The following CLDN14 variants were observed in gnomAD, a reference collection of about 807,000 sequenced individuals.
CLDN14 encodes the protein claudin 14.
In CLDN14, 2 loss-of-function variants were observed where a neutral mutation model predicts 2.1. That is an observed-to-expected ratio of 0.96 (90% CI 0.39 to 3.01). The LOEUF (loss-of-function observed/expected upper bound fraction) is 3.01. Among genes scored for constraint, CLDN14 ranks in the 30% most tolerant of loss-of-function variants. The pLI is 0.09. For synonymous variants in CLDN14, 136 were observed against 154.4 expected, an observed-to-expected ratio of 0.88 and a Z score of 0.88; for missense variants, 298 against 328.0, an observed-to-expected ratio of 0.91 and a Z score of 0.71.
At chr21:36,535,610 TA>T in intron 1 of CLDN14, among the ~76,000 whole-genome samples, 1 of 152,104 alleles carries the variant, frequency 6.6e-6, no homozygotes, top group East Asian at 1.9e-4. Context: ...ATGACATGTA[TA>T]GTCATGTTTT....
At chr21:36,533,511 G>T (rs1429004430) in intron 1 of CLDN14, among the ~76,000 whole-genome samples, 1 of 152,218 alleles carries the variant, frequency 6.6e-6, no homozygotes, top group Non-Finnish European at 1.5e-5. Context: ...TGGGCACAGA[G>T]CTGTTAAAAT....
At chr21:36,489,131 A>AAAAAATATATATAT in intron 2 of CLDN14, among the ~76,000 whole-genome samples, 2 of 62,736 alleles carry the variant, frequency 3.2e-5, no homozygotes, top group Non-Finnish European at 6.0e-5. Context: ...AAAAAAAAAA[A>AAAAAATATATATAT]ATATATATAT....
At position 36,544,047 on chromosome 21, in the gene CLDN14, T is replaced by G. The variant is rs1305603517; in HGVS notation, c.-220+32364A>C. Among the ~76,000 whole-genome samples the G allele has an allele frequency of 6.6e-6, 1 of 152,222 alleles. No homozygotes were observed. The highest frequency in any genetic ancestry group is 2.4e-5 in the African/African-American group (1 of 41,454). On this transcript the variant is annotated intron_variant, in intron 1 of 2. Transcript: ENST00000342108. The surrounding 1 kb of genome is among the most constrained non-coding windows in gnomAD (Gnocchi z 4.1). ...TCAACCGTCTGTGCTGAGCCGCACC[T>G]GCACTGGCTGAATTGCTAGCAGCCG...
At chr21:36,470,452 G>T (rs950021992) in intron 1 of CLDN14, among the ~76,000 whole-genome samples, 24 of 151,870 alleles carry the variant, frequency 1.6e-4, no homozygotes, top group African/African-American at 5.6e-4. Flanking sequence ...AACCCGCGGA[G>T]AATCGCCAGC....
At chr21:36,533,276 G>A (rs981668411) in intron 1 of CLDN14, among the ~76,000 whole-genome samples, 1 of 152,182 alleles carries the variant, frequency 6.6e-6, no homozygotes, top group African/African-American at 2.4e-5. Flanking sequence ...ACGGGCAGGG[G>A]ATGCTCTGGA....
At chr21:36,542,059 G>A (rs954327257) in intron 1 of CLDN14, among the ~76,000 whole-genome samples, 1 of 152,148 alleles carries the variant, frequency 6.6e-6, no homozygotes, top group Admixed American at 6.5e-5. Context: ...CCAGGTTCAA[G>A]GGATTCTCCT....
At chr21:36,548,958 G>A (rs400019) in intron 1 of CLDN14, among the ~76,000 whole-genome samples, 126,605 of 152,130 alleles carry the variant, frequency 0.83, 53,180 homozygotes, top group Non-Finnish European at 0.9. Flanking sequence ...CATAGTTCAC[G>A]ATGATGCTCT....
At chr21:36,464,026 C>T (rs146713870) in intron 1 of CLDN14, among the ~76,000 whole-genome samples, 3 of 152,282 alleles carry the variant, frequency 2.0e-5, no homozygotes, top group Admixed American at 6.5e-5. Context: ...AATCTCATGT[C>T]GAATGGCAGT....
chr21:36,569,371 G>A (rs1408604507), intron 1 of CLDN14, among the ~76,000 whole-genome samples: 2 of 150,250 alleles, frequency 1.3e-5, no homozygotes, highest in African/African-American at 2.5e-5. Flanking sequence ...AGCTGAAATC[G>A]CACCACTATA....
chr21:36,545,597 A>AT (rs574031303), intron 1 of CLDN14, among the ~76,000 whole-genome samples: 115 of 151,846 alleles, frequency 7.6e-4, no homozygotes, highest in Non-Finnish European at 1.5e-3. Context: ...TTCAAGCCTC[A>AT]TTTTTTTTCC....
intron 1 of CLDN14, among the ~76,000 whole-genome samples, chr21:36,511,886 G>C (rs2087189578): frequency 6.6e-6 from 1 of 152,138 alleles, no homozygotes. Flanking sequence ...CCCACCAAAG[G>C]GTCTAGAATA....
Position 36,461,939 on chromosome 21 carries a change from G to A in CLDN14, c.-81-163C>T, listed in dbSNP as rs1340388698. 2.0e-5 allele frequency among the ~76,000 whole-genome samples: 3 copies of A among 152,230 alleles called. No homozygotes were observed. The East Asian group carries it at 5.8e-4, about 29-fold the overall frequency. On this transcript the variant is annotated intron_variant, in intron 1 of 1. Transcript: ENST00000399135. ...TTCTGAGACTTCACTGGGTGGGAGA[G>A]TAACTGCTTTCCTGGGAAGGTGGGA...
intron 1 of CLDN14, among the ~76,000 whole-genome samples, chr21:36,469,672 AACAG>A (rs2086686468): frequency 6.6e-6 from 1 of 152,240 alleles, no homozygotes; most frequent in East Asian, 1.9e-4. Flanking sequence ...GTTAAATGCT[AACAG>A]AGGCTATTTT....
intron 2 of CLDN14, chr21:36,486,000 CCTT>C (rs1476493028): frequency 1.4e-6 from 2 of 1,460,980 alleles, no homozygotes; most frequent in East Asian, 2.3e-5. Flanking sequence ...TTGTCTTCCT[CCTT>C]CTTGTCCTTC....
intron 2 of CLDN14, chr21:36,486,794 C>T: frequency 1.3e-6 from 1 of 767,166 alleles, no homozygotes. Flanking sequence ...TGATTCTTGC[C>T]CCGTCAGCGC....
chr21:36,574,505 A>G (rs985277465), intron 1 of CLDN14, among the ~76,000 whole-genome samples: 1 of 152,228 alleles, frequency 6.6e-6, no homozygotes, highest in Admixed American at 6.5e-5. Context: ...ATAAGACAAT[A>G]CTAATCTATA....
chr21:36,520,990 A>G (rs2087265229), intron 1 of CLDN14, among the ~76,000 whole-genome samples: 1 of 152,086 alleles, frequency 6.6e-6, no homozygotes, highest in South Asian at 2.1e-4. Flanking sequence ...GCTTGCTTCA[A>G]TTTGCAAGCT....
intron 1 of CLDN14, among the ~76,000 whole-genome samples, chr21:36,474,077 C>A (rs1234137093): frequency 6.6e-6 from 1 of 152,146 alleles, no homozygotes; most frequent in African/African-American, 2.4e-5. Context: ...CCAGAGAATT[C>A]TTTCAGGAAC....
chr21:36,466,200 C>T (rs555121598), intron 1 of CLDN14, among the ~76,000 whole-genome samples: 1 of 152,326 alleles, frequency 6.6e-6, no homozygotes, highest in South Asian at 2.1e-4. Flanking sequence ...CACCCCCCTG[C>T]ACCCCCTTTA....
Sources: gnomAD v4.1 joint callset for allele counts (sites outside exome capture counted in the v4.1 genomes callset) on GRCh38, gnomAD v4.1.1 for gene constraint, Gnocchi (gnomAD v3.1) non-coding constraint, MANE v1.5 for transcripts, NCBI Gene and HGNC (gene_info 2026-07-23, HGNC 2026-07-21) for gene names.